TIMP2: variants seen among roughly 807,000 people sequenced by gnomAD.
TIMP2 encodes TIMP metallopeptidase inhibitor 2.
Under a neutral mutation model 24.3 loss-of-function variants are expected in TIMP2, and 5 were observed. The observed-to-expected ratio is 0.21, with a 90% CI of 0.11 to 0.43. TIMP2 has a LOEUF of 0.43. Ranked by LOEUF, TIMP2 falls within the 20% of genes least tolerant of loss-of-function variation. The pLI, the probability that TIMP2 is intolerant of heterozygous loss-of-function variation, is 1.00. For synonymous variants in TIMP2, 130 were observed against 123.2 expected, an observed-to-expected ratio of 1.06 and a Z score of -0.37; for missense variants, 221 against 297.5, an observed-to-expected ratio of 0.74 and a Z score of 1.89.
At chr17:78,906,872 C>G (rs139159125) in intron 1 of TIMP2, among the ~76,000 whole-genome samples, 1 of 152,076 alleles carries the variant, frequency 6.6e-6, no homozygotes, top group African/African-American at 2.4e-5. Context: ...CGTGAGCCAC[C>G]GTGTCTGGCC....
intron 2 of TIMP2, among the ~76,000 whole-genome samples, chr17:78,871,268 G>A (rs754596881): frequency 4.0e-5 from 6 of 151,822 alleles, no homozygotes; most frequent in Non-Finnish European, 5.9e-5. Flanking sequence ...CCTGGCCAAC[G>A]TAGCAAAACC....
Position 78,854,921 on chromosome 17 carries a change from C to CGGGGGGGGGGGGTGGGGGGGGGG in TIMP2, c.*745_*746insCCCCCCCCCCACCCCCCCCCCCC, listed in dbSNP as rs2069511678. On this transcript the variant is annotated 3_prime_UTR_variant, in exon 5 of 5. Transcript: ENST00000262768. ...TCCTGCAAGCTGGGGAGCATGTGGG[C>CGGGGGGGGGGGGTGGGGGGGGGG]GGGGGGGGGGGGGTGGGGGGGTGGG... 5.1e-5 allele frequency: 2 copies of CGGGGGGGGGGGGTGGGGGGGGGG among 39,090 alleles called. No homozygotes were observed. Among genetic ancestry groups the CGGGGGGGGGGGGTGGGGGGGGGG allele is most frequent in the Non-Finnish European group, 5.2e-5 (1 of 19,168 alleles). The allele number at this position is 39,090 out of a possible 1,614,324, so 2.4% of individuals were successfully genotyped here.
At chr17:78,864,366 C>T (rs914173115) in intron 3 of TIMP2, among the ~76,000 whole-genome samples, 1 of 149,332 alleles carries the variant, frequency 6.7e-6, no homozygotes, top group Non-Finnish European at 1.5e-5. Flanking sequence ...TTCCTCCATG[C>T]CTCCCTCCCC....
rs1213417573 is a variant in TIMP2 at position 78,891,928 on chromosome 17, G to A, written c.131-18009C>T. 6.4e-6 allele frequency: 10 copies of A among 1,550,454 alleles called. No homozygotes were observed. The highest frequency in any genetic ancestry group is 7.8e-6 in the Non-Finnish European group (9 of 1,146,984). ...GACTCGCTGCTGTCTTCCGGGGCCT[G>A]GAGTGCCTGGGGTGTTGCTGGCCCA... On this transcript the variant is annotated intron_variant, in intron 1 of 4. Coordinates refer to ENST00000262768, the MANE Select transcript of TIMP2 (RefSeq NM_003255.5). This position sits in a 1 kb window ranked among gnomAD's most constrained non-coding sequence, Gnocchi z 4.5.
Position 78,891,714 on chromosome 17 carries a change from CG to C in TIMP2, c.131-17796del. On this transcript the variant is annotated intron_variant, in intron 1 of 4. Coordinates refer to ENST00000262768, the MANE Select transcript of TIMP2 (RefSeq NM_003255.5). The surrounding 1 kb of genome is among the most constrained non-coding windows in gnomAD (Gnocchi z 4.5). ...CCTTTCTCTTTTTCCTCCACAAGCC[CG>C]ATTTCTCCCACAGCAGCCACGAGTG... 6.4e-7 allele frequency: 1 copy of C among 1,551,178 alleles called. No homozygotes were observed. Among genetic ancestry groups the C allele is most frequent in the Non-Finnish European group, 8.7e-7 (1 of 1,147,136 alleles).
At chr17:78,871,834 A>C in intron 2 of TIMP2, among the ~76,000 whole-genome samples, 1 of 143,490 alleles carries the variant, frequency 7.0e-6, no homozygotes. Context: ...AGACAGCAAG[A>C]CTCCATCTCA....
intron 3 of TIMP2, among the ~76,000 whole-genome samples, chr17:78,866,241 G>T (rs1203110800): frequency 6.6e-6 from 1 of 152,182 alleles, no homozygotes; most frequent in African/African-American, 2.4e-5. Context: ...ATGCCACACT[G>T]CAGACCATGC....
chr17:78,855,971 G>A lies in TIMP2; in HGVS notation c.466-107C>T, dbSNP rs1240595842. ...ACCCGGCAATGTGCCTACCTGTCAT[G>A]TGCAGGGATGGCAGCCTCTCCCGAG... On this transcript the variant is annotated intron_variant, in intron 4 of 4. Coordinates refer to ENST00000262768, the MANE Select transcript of TIMP2 (RefSeq NM_003255.5). The surrounding 1 kb of genome is among the most constrained non-coding windows in gnomAD (Gnocchi z 6.0). The A allele has an allele frequency of 9.5e-6, 11 of 1,157,124 alleles. No individual in the cohort carries two copies. Among genetic ancestry groups the A allele is most frequent in the African/African-American group, 1.5e-5 (1 of 66,160 alleles). 71.7% of individuals were successfully genotyped at this position (1,157,124 alleles called of 1,614,324 possible). A position where few individuals can be genotyped will look rare whatever the true frequency, so the allele number is the denominator to read the frequency against.
chr17:78,876,078 G>A (rs574475035), intron 1 of TIMP2, among the ~76,000 whole-genome samples: 1 of 152,098 alleles, frequency 6.6e-6, no homozygotes, highest in Non-Finnish European at 1.5e-5. Flanking sequence ...TTGCCCTGAC[G>A]GCCCCCTATT....
chr17:78,891,391 C>T lies in TIMP2; in HGVS notation c.131-17472G>A, dbSNP rs769609595. Reference sequence around the variant, plus strand: ...AGAAGGCATGCCCTTCCCCAGGTCTCTGGTCCATCCTGGGCTTCAGTGCCA... The same window carrying T: ...AGAAGGCATGCCCTTCCCCAGGTCTTTGGTCCATCCTGGGCTTCAGTGCCA... On this transcript the variant is annotated intron_variant, in intron 1 of 4. Transcript: ENST00000262768. The surrounding 1 kb of genome is among the most constrained non-coding windows in gnomAD (Gnocchi z 4.5). The T allele has an allele frequency of 2.9e-4, 446 of 1,550,616 alleles. No individual in the cohort carries two copies. Among genetic ancestry groups the T allele is most frequent in the Non-Finnish European group, 3.4e-4 (387 of 1,147,050 alleles).
At position 78,907,234 on chromosome 17, in the gene TIMP2, C is replaced by T. The variant is rs1361787146; in HGVS notation, c.130+17725G>A. On this transcript the variant is annotated intron_variant, in intron 1 of 4. Transcript: ENST00000262768. ...ATTTTTTGTGGAGATGGGGTCTTGT[C>T]GTGTTGCCCAGGCTGGTCTCGAACT... 5.3e-5 allele frequency among the ~76,000 whole-genome samples: 8 copies of T among 151,308 alleles called. No individual in the cohort carries two copies. The South Asian group carries it at 1.0e-3, about 20-fold the overall frequency.
At chr17:78,872,839 C>CT (rs1436063438) in intron 2 of TIMP2, among the ~76,000 whole-genome samples, 1 of 145,394 alleles carries the variant, frequency 6.9e-6, no homozygotes, top group African/African-American at 2.5e-5. Flanking sequence ...TTTTTTTTTT[C>CT]TTTTTTTGAG....
At chr17:78,864,579 A>T (rs1038818153) in intron 3 of TIMP2, among the ~76,000 whole-genome samples, 1 of 152,100 alleles carries the variant, frequency 6.6e-6, no homozygotes, top group Non-Finnish European at 1.5e-5. Context: ...AACTGTTTGC[A>T]CTTGGCACCT....
At chr17:78,876,749 A>T (rs2069731721) in intron 1 of TIMP2, among the ~76,000 whole-genome samples, 1 of 150,616 alleles carries the variant, frequency 6.6e-6, no homozygotes, top group South Asian at 2.1e-4. Context: ...CTGGTCTCGA[A>T]CTCCTGACCT....
At chr17:78,909,791 C>T (rs146362309) in intron 1 of TIMP2, among the ~76,000 whole-genome samples, 132 of 152,166 alleles carry the variant, frequency 8.7e-4, no homozygotes, top group African/African-American at 3.0e-3. Flanking sequence ...TCCCTTATTC[C>T]ACCCCCCGCC....
chr17:78,908,505 T>C (rs2070180367), intron 1 of TIMP2, among the ~76,000 whole-genome samples: 1 of 152,140 alleles, frequency 6.6e-6, no homozygotes, highest in Non-Finnish European at 1.5e-5. Flanking sequence ...TGATGTTAAA[T>C]CCAAAGCTGT....
chr17:78,921,752 A>G (rs565319207), intron 1 of TIMP2, among the ~76,000 whole-genome samples: 1 of 152,346 alleles, frequency 6.6e-6, no homozygotes, highest in East Asian at 1.9e-4. Context: ...GGAAGAAATC[A>G]GGTCACCTCT....
chr17:78,860,238 T>G (rs2069557135), intron 3 of TIMP2, among the ~76,000 whole-genome samples: 1 of 152,012 alleles, frequency 6.6e-6, no homozygotes, highest in African/African-American at 2.4e-5. Flanking sequence ...CAACAGCCCC[T>G]TGTGAAGAGA....
At position 78,920,013 on chromosome 17, in the gene TIMP2, G is replaced by C. The variant is rs1218377383; in HGVS notation, c.130+4946C>G. 6.6e-6 allele frequency among the ~76,000 whole-genome samples: 1 copy of C among 152,108 alleles called. No homozygotes were observed. The highest frequency in any genetic ancestry group is 1.5e-5 in the Non-Finnish European group (1 of 68,014). On this transcript the variant is annotated intron_variant, in intron 1 of 4. Transcript: ENST00000262768. The surrounding 1 kb of genome is among the most constrained non-coding windows in gnomAD (Gnocchi z 4.5). ...GCTTCCTTCTTATCTCCTCCTCCCTGCTGTTGCATCCCTCCTCGCAGCTGC... is the reference window on the plus strand; with the variant it reads ...GCTTCCTTCTTATCTCCTCCTCCCTCCTGTTGCATCCCTCCTCGCAGCTGC...
Sources: allele counts gnomAD v4.1 joint callset (sites outside exome capture counted in the v4.1 genomes callset), GRCh38; gene constraint gnomAD v4.1.1; non-coding constraint Gnocchi (gnomAD v3.1); transcripts MANE v1.5; gene names NCBI Gene and HGNC (gene_info 2026-07-23, HGNC 2026-07-21).